Variants in FANCC observed in about 807,000 individuals in gnomAD.
The protein encoded by FANCC is FA complementation group C.
In FANCC, 55 loss-of-function variants were observed where a neutral mutation model predicts 71.3. That is an observed-to-expected ratio of 0.77 (90% CI 0.62 to 0.97). The LOEUF is 0.97. Among genes scored for constraint, FANCC ranks in the 50% least tolerant of loss-of-function variants. FANCC has a pLI of 0.00. For synonymous variants in FANCC, 275 were observed against 244.9 expected (o/e 1.12, Z -1.15); for missense variants, 678 against 670.9 (o/e 1.01, Z -0.12).
At chr9:95,306,100 C>A (rs1381647657) in intron 1 of FANCC, among the ~76,000 whole-genome samples, 1 of 152,160 alleles carries the variant, frequency 6.6e-6, no homozygotes, top group Admixed American at 6.5e-5. Flanking sequence ...TGGTATCTCT[C>A]TATACCTACA....
chr9:95,222,481 A>G (rs1336815581), intron 4 of FANCC, among the ~76,000 whole-genome samples: 1 of 152,192 alleles, frequency 6.6e-6, no homozygotes, highest in Non-Finnish European at 1.5e-5. Flanking sequence ...AACTGAGACC[A>G]GAGTTGGGAG....
At chr9:95,110,430 C>T (rs10429619) in intron 13 of FANCC, 1,021,698 of 1,025,458 alleles carry the variant, frequency 1, 508,976 homozygotes, top group Middle Eastern at 1. Flanking sequence ...TTTTCCTTAG[C>T]TTAACGTGAT....
intron 4 of FANCC, among the ~76,000 whole-genome samples, chr9:95,212,939 C>T (rs1828597812): frequency 6.6e-6 from 1 of 152,124 alleles, no homozygotes; most frequent in Admixed American, 6.5e-5. Context: ...AATCCTAGAG[C>T]TGTGCTTCCC....
chr9:95,109,910 C>T (rs1047793516), intron 13 of FANCC, among the ~76,000 whole-genome samples: 1 of 152,296 alleles, frequency 6.6e-6, no homozygotes, highest in East Asian at 1.9e-4. Flanking sequence ...ACAAGAGGTA[C>T]GTATCATTCA....
At chr9:95,216,924 GA>G (rs994894208) in intron 4 of FANCC, among the ~76,000 whole-genome samples, 5 of 150,840 alleles carry the variant, frequency 3.3e-5, no homozygotes, top group African/African-American at 1.2e-4. Context: ...AAAAAGGAAG[GA>G]AAAAAAAATC....
chr9:95,240,726 G>A lies in FANCC; in HGVS notation c.268C>T (p.Leu90=). 1 of 1,611,448 alleles carries A rather than the reference G, an allele frequency of 6.2e-7. No individual in the cohort carries two copies. Among genetic ancestry groups the A allele is most frequent in the Non-Finnish European group, 8.5e-7 (1 of 1,178,438 alleles). ...ILAYDESQKI[L]IWCLCCLINK... is the part of the protein sequence containing the mutation. Reference sequence around the variant, plus strand: ...ATTAGACAACATAAGCACCATATTAGAATTTTTTGGCTTTCATCTACAAAA... The same window carrying A: ...ATTAGACAACATAAGCACCATATTAAAATTTTTTGGCTTTCATCTACAAAA... The change falls in exon 4 of 15, where the codon CTA becomes TTA. Residue 90 remains leucine (L), a synonymous_variant. Coordinates refer to ENST00000289081, the MANE Select transcript of FANCC (RefSeq NM_000136.3).
chr9:95,140,684 CCAGA>C (rs1421797807), intron 7 of FANCC, among the ~76,000 whole-genome samples: 1 of 152,088 alleles, frequency 6.6e-6, no homozygotes, highest in East Asian at 1.9e-4. Flanking sequence ...GTTTGGGTTG[CCAGA>C]CAAACTCACA....
intron 3 of FANCC, among the ~76,000 whole-genome samples, chr9:95,246,074 A>G (rs1830958146): frequency 6.6e-6 from 1 of 152,224 alleles, no homozygotes; most frequent in South Asian, 2.1e-4. Context: ...ATGCATATAC[A>G]TAATGTATTT....
intron 1 of FANCC, among the ~76,000 whole-genome samples, chr9:95,299,754 G>A (rs1465677862): frequency 1.3e-5 from 2 of 152,134 alleles, no homozygotes; most frequent in Non-Finnish European, 2.9e-5. Context: ...CCAGCTACAC[G>A]GGAGGCTGAG....
intron 4 of FANCC, among the ~76,000 whole-genome samples, chr9:95,212,094 A>C (rs1828541804): frequency 6.6e-6 from 1 of 152,144 alleles, no homozygotes. Context: ...AGATGGGGAA[A>C]ATTATGACAA....
At chr9:95,254,920 G>C (rs1831567270) in intron 1 of FANCC, among the ~76,000 whole-genome samples, 1 of 152,154 alleles carries the variant, frequency 6.6e-6, no homozygotes, top group African/African-American at 2.4e-5. Context: ...ACTGAGGCTT[G>C]AGAAGGCGGT....
chr9:95,131,048 A>G (rs1230982535), intron 8 of FANCC, among the ~76,000 whole-genome samples: 5 of 152,212 alleles, frequency 3.3e-5, no homozygotes, highest in African/African-American at 9.7e-5. Flanking sequence ...TTGAGCTCGG[A>G]AAAATTATTC....
intron 7 of FANCC, 77 bp from the exon 8 acceptor site, chr9:95,135,579 C>A: frequency 8.0e-7 from 1 of 1,245,326 alleles, no homozygotes; most frequent in Admixed American, 1.9e-5. Flanking sequence ...GTTCAAAATG[C>A]AATCACTAAT....
chr9:95,166,871 TTGTC>T (rs1831097730), intron 6 of FANCC, among the ~76,000 whole-genome samples: 1 of 152,134 alleles, frequency 6.6e-6, no homozygotes, highest in Non-Finnish European at 1.5e-5. Flanking sequence ...GATTTTGTGT[TTGTC>T]TGTATATTTA....
chr9:95,307,705 A>T (rs1463380098), intron 1 of FANCC, among the ~76,000 whole-genome samples: 1 of 152,242 alleles, frequency 6.6e-6, no homozygotes, highest in Non-Finnish European at 1.5e-5. Context: ...AACTGTCCAA[A>T]GAAGATAGCC....
intron 4 of FANCC, among the ~76,000 whole-genome samples, chr9:95,172,766 T>G (rs1027650213): frequency 5.3e-5 from 8 of 152,104 alleles, no homozygotes; most frequent in Non-Finnish European, 1.0e-4. Flanking sequence ...ATCAAAGAGA[T>G]AAATGTAAAA....
intron 1 of FANCC, among the ~76,000 whole-genome samples, chr9:95,290,496 T>C (rs1833936457): frequency 6.6e-6 from 1 of 152,046 alleles, no homozygotes; most frequent in African/African-American, 2.4e-5. Context: ...ATTTGGACAA[T>C]AAAGGGAACA....
intron 4 of FANCC, among the ~76,000 whole-genome samples, chr9:95,204,618 A>G (rs1828006083): frequency 6.6e-6 from 1 of 152,202 alleles, no homozygotes; most frequent in Admixed American, 6.5e-5. Flanking sequence ...CAGTAATATG[A>G]AAATTAAATC....
chr9:95,119,963 T>A (rs2072739969), intron 10 of FANCC, among the ~76,000 whole-genome samples: 2 of 151,384 alleles, frequency 1.3e-5, no homozygotes, highest in South Asian at 4.2e-4. Context: ...CCTCCTGCCT[T>A]GGGGCTCCCA....
Sources: gnomAD v4.1 joint callset for allele counts (sites outside exome capture counted in the v4.1 genomes callset) on GRCh38, gnomAD v4.1.1 for gene constraint, MANE v1.5 for transcripts, NCBI Gene and HGNC (gene_info 2026-07-23, HGNC 2026-07-21) for gene names.